GNAQ: variants seen among roughly 807,000 people sequenced by gnomAD.
GNAQ encodes the protein G protein subunit alpha q, also known as guanine nucleotide-binding protein G(q) subunit alpha.
GNAQ carries 8 observed loss-of-function variants against 43.9 expected under a neutral mutation model. The observed-to-expected ratio is 0.18, with a 90% CI of 0.11 to 0.33. The LOEUF (loss-of-function observed/expected upper bound fraction) is 0.33. Ranked by LOEUF, GNAQ falls within the 10% of genes least tolerant of loss-of-function variation. The pLI is 1.00. For missense variants in GNAQ, 158 were observed against 450.8 expected, an observed-to-expected ratio of 0.35 and a Z score of 5.88; for synonymous variants, 155 against 170.7, an observed-to-expected ratio of 0.91 and a Z score of 0.71.
intron 2 of GNAQ, among the ~76,000 whole-genome samples, chr9:77,866,252 C>G (rs540485665): frequency 6.6e-6 from 1 of 152,116 alleles, no homozygotes; most frequent in East Asian, 1.9e-4. Flanking sequence ...CCAAGGCGGG[C>G]AGATCATTTG....
chr9:77,768,512 C>A (rs1826169345), intron 5 of GNAQ, among the ~76,000 whole-genome samples: 2 of 152,172 alleles, frequency 1.3e-5, no homozygotes, highest in South Asian at 4.1e-4. Context: ...GACTTGAAAG[C>A]ATGGGTTCAA....
At position 77,903,489 on chromosome 9, in the gene GNAQ, C is replaced by T. The variant is rs1011471102; in HGVS notation, c.321+18672G>A. On this transcript the variant is annotated intron_variant, in intron 2 of 6. Transcript: ENST00000286548. ...AAGTGTTTAAAGGAAGATCCTAGAA[C>T]ATCTCAGTGGGAACAGACAGCCCAG... Among the ~76,000 whole-genome samples the T allele has an allele frequency of 8.5e-5, 13 of 152,274 alleles. No homozygotes were observed. The South Asian group carries it at 2.3e-3, about 27-fold the overall frequency.
chr9:77,881,687 TG>T lies in GNAQ; in HGVS notation c.321+40473del, dbSNP rs1480774977. ...GCATGAGCCACCATGCCTGGCTGGT[TG>T]ATTATTTTTTAACAGAACAGCTGTG... On this transcript the variant is annotated intron_variant, in intron 2 of 6. Coordinates refer to ENST00000286548, the MANE Select transcript of GNAQ (RefSeq NM_002072.5). Among the ~76,000 whole-genome samples the T allele has an allele frequency of 2.0e-5, 3 of 152,192 alleles. No homozygotes were observed. In the East Asian group the frequency reaches 5.8e-4, roughly 29 times the overall value.
intron 1 of GNAQ, among the ~76,000 whole-genome samples, chr9:77,928,211 A>G (rs957355059): frequency 7.2e-5 from 11 of 152,206 alleles, no homozygotes; most frequent in Non-Finnish European, 1.5e-4. Flanking sequence ...CTCTACTTAG[A>G]TTAAAATCCT....
chr9:77,983,873 T>C (rs1823399368), intron 1 of GNAQ, among the ~76,000 whole-genome samples: 2 of 151,796 alleles, frequency 1.3e-5, no homozygotes, highest in African/African-American at 4.8e-5. Flanking sequence ...CTAAAGGAAG[T>C]CCACTCCAAG....
At chr9:77,799,592 C>T (rs1042736734) in intron 3 of GNAQ, among the ~76,000 whole-genome samples, 13 of 152,038 alleles carry the variant, frequency 8.6e-5, no homozygotes, top group Admixed American at 8.5e-4. Context: ...AAATTTGAAA[C>T]TGAATGTAAA....
chr9:77,878,542 A>G (rs886925118), intron 2 of GNAQ, among the ~76,000 whole-genome samples: 4 of 152,052 alleles, frequency 2.6e-5, no homozygotes, highest in African/African-American at 4.8e-5. Flanking sequence ...TGGGCCATAA[A>G]ATGCACCTAA....
chr9:77,988,446 G>C (rs946114250), intron 1 of GNAQ, among the ~76,000 whole-genome samples: 1 of 152,144 alleles, frequency 6.6e-6, no homozygotes, highest in East Asian at 1.9e-4. Flanking sequence ...GATTTGATCT[G>C]GTATCTTCCA....
chr9:78,011,427 T>C (rs10870005), intron 1 of GNAQ, among the ~76,000 whole-genome samples: 62,716 of 151,870 alleles, frequency 0.41, 13,579 homozygotes, highest in Admixed American at 0.49. Context: ...GCAAAGGACA[T>C]GCAAAAGAAA....
intron 3 of GNAQ, among the ~76,000 whole-genome samples, chr9:77,810,820 G>A (rs1281689326): frequency 6.6e-6 from 1 of 152,194 alleles, no homozygotes; most frequent in African/African-American, 2.4e-5. Flanking sequence ...TAGTAAATGT[G>A]ATGACGGAAA....
chr9:77,864,022 AG>A (rs1827906238), intron 2 of GNAQ, among the ~76,000 whole-genome samples: 3 of 152,104 alleles, frequency 2.0e-5, no homozygotes, highest in Non-Finnish European at 4.4e-5. Context: ...TTTGGCTCAT[AG>A]TTCTGCAGAC....
intron 5 of GNAQ, among the ~76,000 whole-genome samples, chr9:77,753,381 TA>T (rs1442137590): frequency 6.6e-6 from 1 of 152,224 alleles, no homozygotes; most frequent in Admixed American, 6.5e-5. Context: ...CATTTACGTC[TA>T]TCAGCATCTA....
Position 77,972,967 on chromosome 9 carries a change from A to T in GNAQ, c.137-50622T>A, listed in dbSNP as rs529972525. 1.9e-4 allele frequency among the ~76,000 whole-genome samples: 29 copies of T among 151,842 alleles called. No homozygotes were observed. In the South Asian group the frequency reaches 2.3e-3, roughly 12 times the overall value. On this transcript the variant is annotated intron_variant, in intron 1 of 6. Coordinates refer to ENST00000286548, the MANE Select transcript of GNAQ (RefSeq NM_002072.5). ...AGACTCCATCTCAAAAAAAAAAAAA[A>T]AATTCCTTTACTTAAGTAAAAAGGA...
At chr9:77,891,714 T>C (rs941501779) in intron 2 of GNAQ, among the ~76,000 whole-genome samples, 2 of 152,240 alleles carry the variant, frequency 1.3e-5, no homozygotes, top group Non-Finnish European at 2.9e-5. Context: ...AAAGCCGTAC[T>C]AGTTCTCATT....
At chr9:77,933,405 C>T (rs1829181320) in intron 1 of GNAQ, among the ~76,000 whole-genome samples, 1 of 152,120 alleles carries the variant, frequency 6.6e-6, no homozygotes, top group Non-Finnish European at 1.5e-5. Flanking sequence ...GCGGCTCATG[C>T]CTATAATCCC....
chr9:77,764,420 A>G (rs773482807), intron 5 of GNAQ, among the ~76,000 whole-genome samples: 41 of 152,088 alleles, frequency 2.7e-4, no homozygotes, highest in Non-Finnish European at 5.0e-4. Context: ...AAGCTATACT[A>G]AGCTGGACTC....
chr9:77,890,543 G>C (rs999878887), intron 2 of GNAQ, among the ~76,000 whole-genome samples: 9 of 152,250 alleles, frequency 5.9e-5, no homozygotes. Context: ...GACCAACATG[G>C]AGAAACCCCG....
chr9:77,791,779 T>C (rs1826578146), intron 5 of GNAQ, among the ~76,000 whole-genome samples: 1 of 152,174 alleles, frequency 6.6e-6, no homozygotes, highest in Admixed American at 6.5e-5. Context: ...AGAAAAGCTG[T>C]CAGAATCCAT....
intron 1 of GNAQ, among the ~76,000 whole-genome samples, chr9:78,004,054 G>A (rs969980132): frequency 6.6e-6 from 1 of 152,004 alleles, no homozygotes; most frequent in Non-Finnish European, 1.5e-5. Context: ...AGATGGGGCT[G>A]AATTTGCCCT....
Sources: allele counts gnomAD v4.1 joint callset (sites outside exome capture counted in the v4.1 genomes callset), GRCh38; gene constraint gnomAD v4.1.1; transcripts MANE v1.5; gene names NCBI Gene and HGNC (gene_info 2026-07-23, HGNC 2026-07-21).